Variants in FER observed in about 807,000 individuals in gnomAD.
The protein encoded by FER is FER tyrosine kinase.
A neutral mutation model predicts 111.0 loss-of-function variants in FER; 63 were observed. The observed-to-expected ratio is 0.57, with a 90% CI of 0.46 to 0.70. The LOEUF is 0.70. FER is among the 30% of genes least tolerant of loss of function. The pLI is 0.00. For synonymous variants in FER, 327 were observed against 313.9 expected, an observed-to-expected ratio of 1.04 and a Z score of -0.44; for missense variants, 914 against 954.0, an observed-to-expected ratio of 0.96 and a Z score of 0.55.
intron 5 of FER, among the ~76,000 whole-genome samples, chr5:108,850,467 T>C (rs1269222753): frequency 2.0e-5 from 3 of 152,190 alleles, no homozygotes; most frequent in African/African-American, 7.2e-5. Context: ...AGTTTAGGTT[T>C]ATCACTGTAC....
At chr5:108,982,123 C>A (rs527736434) in intron 13 of FER, among the ~76,000 whole-genome samples, 26 of 152,152 alleles carry the variant, frequency 1.7e-4, no homozygotes, top group African/African-American at 6.3e-4. Flanking sequence ...TCTGACTCCA[C>A]CCCACACCTA....
At chr5:109,180,264 A>G (rs559276115) in intron 17 of FER, among the ~76,000 whole-genome samples, 1 of 152,200 alleles carries the variant, frequency 6.6e-6, no homozygotes, top group Non-Finnish European at 1.5e-5. Context: ...GAATTGTCTT[A>G]TCAGAGTCTA....
intron 17 of FER, among the ~76,000 whole-genome samples, chr5:109,125,682 T>C (rs1751623196): frequency 6.6e-6 from 1 of 152,226 alleles, no homozygotes; most frequent in Non-Finnish European, 1.5e-5. Context: ...AGCAGTATTG[T>C]TTCTGAAATG....
At chr5:109,065,865 T>C (rs3797834) in intron 16 of FER, among the ~76,000 whole-genome samples, 6,986 of 152,270 alleles carry the variant, frequency 0.046, 222 homozygotes, top group South Asian at 0.094. Flanking sequence ...AGAGAGAATA[T>C]GATTGAGAGC....
chr5:109,183,110 T>A (rs1015052333), intron 18 of FER, among the ~76,000 whole-genome samples: 1 of 152,150 alleles, frequency 6.6e-6, no homozygotes, highest in Non-Finnish European at 1.5e-5. Context: ...GATTTTGATA[T>A]AGGAGACGTT....
intron 10 of FER, among the ~76,000 whole-genome samples, chr5:108,919,973 T>C (rs1011192228): frequency 4.6e-5 from 7 of 152,164 alleles, no homozygotes; most frequent in Non-Finnish European, 1.0e-4. Flanking sequence ...CAAAAATGTT[T>C]AGTACAGTGC....
chr5:108,889,835 C>T (rs1747756320), intron 9 of FER, among the ~76,000 whole-genome samples: 1 of 151,722 alleles, frequency 6.6e-6, no homozygotes, highest in Non-Finnish European at 1.5e-5. Flanking sequence ...AATTCCTCAC[C>T]TCACCAGAGG....
At chr5:109,173,506 A>C (rs1201705408) in intron 17 of FER, among the ~76,000 whole-genome samples, 1 of 152,228 alleles carries the variant, frequency 6.6e-6, no homozygotes, top group African/African-American at 2.4e-5. Context: ...TTTATAAGTT[A>C]TGTCTGCATT....
chr5:108,932,706 G>T (rs1187790950), intron 10 of FER, among the ~76,000 whole-genome samples: 1 of 152,042 alleles, frequency 6.6e-6, no homozygotes, highest in Non-Finnish European at 1.5e-5. Flanking sequence ...ACTTTTTAAT[G>T]ATTACCATTC....
rs560598796 is a variant in FER at position 109,044,903 on chromosome 5, G to A, written c.1829+108G>A. 3.3e-5 allele frequency: 20 copies of A among 598,266 alleles called. 1 individual carries two copies. The South Asian group carries it at 6.9e-4, about 21-fold the overall frequency. The allele number at this position is 598,266 out of a possible 1,614,324, so 37.1% of individuals were successfully genotyped here. A position where few individuals can be genotyped will look rare whatever the true frequency, so the allele number is the denominator to read the frequency against. On this transcript the variant is annotated intron_variant, in intron 15 of 19. Coordinates refer to ENST00000281092, the MANE Select transcript of FER (RefSeq NM_005246.4). ...TGATTTACTGAAATAGTAGGGGTAA[G>A]CACTTTTACAGTATGGAATCCAAAA...
chr5:108,969,017 T>C (rs1043223808), intron 13 of FER, among the ~76,000 whole-genome samples: 1 of 152,122 alleles, frequency 6.6e-6, no homozygotes, highest in Admixed American at 6.5e-5. Context: ...TAAAATTTAA[T>C]AACAGTGTCT....
intron 9 of FER, among the ~76,000 whole-genome samples, chr5:108,885,309 C>T (rs1488815403): frequency 5.9e-5 from 9 of 151,952 alleles, no homozygotes; most frequent in Admixed American, 5.9e-4. Context: ...TCTTAGTATT[C>T]TTTATTTCAG....
chr5:109,128,162 C>A (rs1751955144), intron 17 of FER, among the ~76,000 whole-genome samples: 1 of 151,842 alleles, frequency 6.6e-6, no homozygotes, highest in Admixed American at 6.6e-5. Flanking sequence ...ATTTTCCTAC[C>A]CTCTCCTTCC....
At chr5:108,900,856 A>G (rs1749910197) in intron 10 of FER, among the ~76,000 whole-genome samples, 3 of 152,140 alleles carry the variant, frequency 2.0e-5, no homozygotes, top group Admixed American at 1.3e-4. Flanking sequence ...CTTAGTCTTG[A>G]TGTTTATTTT....
intron 3 of FER, among the ~76,000 whole-genome samples, chr5:108,813,291 C>T (rs939274792): frequency 6.6e-6 from 1 of 151,880 alleles, no homozygotes; most frequent in Non-Finnish European, 1.5e-5. Flanking sequence ...ATGTTTTTTT[C>T]CTCTGGCTGC....
At chr5:108,903,681 A>AG (rs1290583664) in intron 10 of FER, among the ~76,000 whole-genome samples, 2 of 152,236 alleles carry the variant, frequency 1.3e-5, no homozygotes, top group Non-Finnish European at 2.9e-5. Flanking sequence ...GAAAAATATC[A>AG]GCTTCTATTT....
chr5:109,137,848 G>T (rs1753065807), intron 17 of FER, among the ~76,000 whole-genome samples: 1 of 152,174 alleles, frequency 6.6e-6, no homozygotes, highest in African/African-American at 2.4e-5. Flanking sequence ...TGAGGTTTCT[G>T]CCATGGTTAA....
intron 1 of FER, among the ~76,000 whole-genome samples, chr5:108,767,187 C>G (rs1752416547): frequency 6.6e-6 from 1 of 151,978 alleles, no homozygotes; most frequent in Non-Finnish European, 1.5e-5. Context: ...GCCTGTAATC[C>G]CAGATACTCA....
At chr5:108,992,290 C>A (rs983487001) in intron 13 of FER, among the ~76,000 whole-genome samples, 1 of 152,238 alleles carries the variant, frequency 6.6e-6, no homozygotes, top group Non-Finnish European at 1.5e-5. Context: ...TACACAGACA[C>A]GGCAATCATC....
Sources: allele counts gnomAD v4.1 joint callset (sites outside exome capture counted in the v4.1 genomes callset), GRCh38; gene constraint gnomAD v4.1.1; transcripts MANE v1.5; gene names NCBI Gene and HGNC (gene_info 2026-07-23, HGNC 2026-07-21).